Variants in TET3 observed in about 807,000 individuals in gnomAD.
The protein encoded by TET3 is tet methylcytosine dioxygenase 3.
A neutral mutation model predicts 141.4 loss-of-function variants in TET3; 19 were observed. The ratio of observed to expected loss-of-function variants is 0.13; its 90% CI spans 0.09 to 0.20. TET3 has a LOEUF of 0.20. TET3 is among the 10% of genes least tolerant of loss of function. The pLI is 1.00. For missense variants in TET3, 1,874 were observed against 2,356.9 expected, an observed-to-expected ratio of 0.80 and a Z score of 4.24; for synonymous variants, 1,043 against 980.9, an observed-to-expected ratio of 1.06 and a Z score of -1.18.
intron 4 of TET3, among the ~76,000 whole-genome samples, chr2:74,068,885 C>G (rs774328984): frequency 2.7e-4 from 41 of 152,096 alleles, no homozygotes; most frequent in Non-Finnish European, 5.4e-4. Flanking sequence ...CCTTGTTCAG[C>G]TATAGTAGCT....
At chr2:73,997,650 T>C (rs948656459) in intron 2 of TET3, among the ~76,000 whole-genome samples, 1 of 152,190 alleles carries the variant, frequency 6.6e-6, no homozygotes, top group Non-Finnish European at 1.5e-5. Context: ...CTGGTGCTGC[T>C]TCAGTTTCCC....
At chr2:74,120,445 A>AC in the TET3 span, among the ~76,000 whole-genome samples, 2 of 152,046 alleles carry the variant, frequency 1.3e-5, no homozygotes, top group Non-Finnish European at 2.9e-5. Flanking sequence ...CCACACACCT[A>AC]CCCGGGGGGA....
rs768937209 is a variant in TET3, at chr2:74,100,763, C to T, written c.3975C>T (p.His1325=). The stretch of plus-strand genomic sequence containing the variant: ...AGAAGCCAGACCTCCACGCTCTGCA[C>T]AACAGCCTGAGCCCGGCCTACGGTG... ...FEKKPDLHAL[H]NSLSPAYGGA... The change falls in exon 12 of 12, where the codon CAC becomes CAT. Residue 1325 remains histidine (H), a synonymous_variant. Coordinates refer to ENST00000409262, the MANE Select transcript of TET3 (RefSeq NM_001287491.2). 1.9e-5 allele frequency: 31 copies of T among 1,613,412 alleles called. No homozygotes were observed. The highest frequency in any genetic ancestry group is 3.3e-5 in the Admixed American group (2 of 59,928).
intron 3 of TET3, among the ~76,000 whole-genome samples, chr2:74,035,918 T>G (rs376407744): frequency 4.7e-5 from 7 of 150,514 alleles, no homozygotes; most frequent in African/African-American, 1.5e-4. Flanking sequence ...CTTGGGAGAC[T>G]GAGGTACAAG....
At chr2:73,994,883 C>T (rs760061623) in intron 2 of TET3, among the ~76,000 whole-genome samples, 5 of 151,308 alleles carry the variant, frequency 3.3e-5, no homozygotes, top group African/African-American at 4.9e-5. Context: ...GTGATCCACT[C>T]GCCTTAGCCT....
the TET3 span, among the ~76,000 whole-genome samples, chr2:74,124,687 G>A: frequency 2.0e-5 from 3 of 152,002 alleles, no homozygotes; most frequent in Non-Finnish European, 4.4e-5. Context: ...GATTAAGGGC[G>A]GTGCAAGATG....
chr2:73,988,989 A>AATT (rs1558689017), intron 2 of TET3, among the ~76,000 whole-genome samples: 4 of 128,880 alleles, frequency 3.1e-5, no homozygotes, highest in African/African-American at 1.4e-4. Flanking sequence ...AAAAAAAAAA[A>AATT]GTTTTTTTTG....
chr2:74,042,252 C>CT (rs1687378968), intron 3 of TET3, among the ~76,000 whole-genome samples: 1 of 152,162 alleles, frequency 6.6e-6, no homozygotes, highest in Non-Finnish European at 1.5e-5. Flanking sequence ...AGTCAAAGGC[C>CT]TACAGGGGGT....
At chr2:74,045,679 G>A (rs963230487) in intron 3 of TET3, among the ~76,000 whole-genome samples, 1 of 152,194 alleles carries the variant, frequency 6.6e-6, no homozygotes, top group African/African-American at 2.4e-5. Context: ...CTGTGTGTGG[G>A]AATGTGGTCT....
intron 3 of TET3, among the ~76,000 whole-genome samples, chr2:74,031,080 G>A (rs992222246): frequency 4.6e-5 from 7 of 152,118 alleles, no homozygotes; most frequent in Non-Finnish European, 8.8e-5. Context: ...TCTGGTAGCT[G>A]GAAAGCAGTC....
chr2:73,997,032 C>T (rs181315010), intron 2 of TET3, among the ~76,000 whole-genome samples: 27 of 152,328 alleles, frequency 1.8e-4, no homozygotes, highest in Admixed American at 1.7e-3. Flanking sequence ...CTACCTCTAC[C>T]ACACCTAACG....
chr2:74,002,709 G>A, intron 2 of TET3: 3 of 435,042 alleles, frequency 6.9e-6, no homozygotes, highest in Non-Finnish European at 8.0e-6. Flanking sequence ...GCAGCTGGCC[G>A]CCGCCTCCTC....
At chr2:74,119,191 A>T in the TET3 span, among the ~76,000 whole-genome samples, 1 of 152,082 alleles carries the variant, frequency 6.6e-6, no homozygotes, top group African/African-American at 2.4e-5. Context: ...TGGCTCTACT[A>T]AAAATCCAAA....
In TET3 at chr2:74,107,423, T is replaced by C. The variant is rs1207804545; in HGVS notation, c.*5247T>C. Reference sequence around the variant, plus strand: ...GTTTGCTCCCTCTTCGCGTTTTGACTACCCGTCATTCAGGGGTAACTCATC... The same window carrying C: ...GTTTGCTCCCTCTTCGCGTTTTGACCACCCGTCATTCAGGGGTAACTCATC... On this transcript the variant is annotated 3_prime_UTR_variant, in exon 12 of 12. Coordinates refer to ENST00000409262, the MANE Select transcript of TET3 (RefSeq NM_001287491.2). 6.6e-6 allele frequency: 1 copy of C among 152,254 alleles called. No individual in the cohort carries two copies. The highest frequency in any genetic ancestry group is 1.5e-5 in the Non-Finnish European group (1 of 68,048). The allele number at this position is 152,254 out of a possible 1,614,324, so 9.4% of individuals were successfully genotyped here.
intron 4 of TET3, among the ~76,000 whole-genome samples, chr2:74,055,914 G>T (rs986764477): frequency 2.6e-5 from 4 of 152,146 alleles, no homozygotes; most frequent in Non-Finnish European, 5.9e-5. Context: ...CGATCAACAC[G>T]AAGGGCCTCA....
At chr2:74,125,694 A>AT in the TET3 span, among the ~76,000 whole-genome samples, 130 of 150,276 alleles carry the variant, frequency 8.7e-4, no homozygotes, top group East Asian at 4.9e-3. Context: ...AGTATGCTAA[A>AT]ATTTTTTTTT....
At chr2:74,042,022 CATT>C (rs1310599041) in intron 3 of TET3, among the ~76,000 whole-genome samples, 1 of 152,216 alleles carries the variant, frequency 6.6e-6, no homozygotes, top group Non-Finnish European at 1.5e-5. Context: ...CCTTCTCTAT[CATT>C]ATTGATAAAT....
intron 2 of TET3, among the ~76,000 whole-genome samples, chr2:73,999,348 A>G (rs1336631303): frequency 6.6e-6 from 1 of 152,190 alleles, no homozygotes; most frequent in Non-Finnish European, 1.5e-5. Context: ...AATGGGCACA[A>G]ATATTTCCTG....
At chr2:74,045,650 G>C (rs544233398) in intron 3 of TET3, among the ~76,000 whole-genome samples, 1 of 152,198 alleles carries the variant, frequency 6.6e-6, no homozygotes, top group Non-Finnish European at 1.5e-5. Flanking sequence ...GATCATCGGC[G>C]TTTCCCTCAG....
Sources: allele counts gnomAD v4.1 joint callset (sites outside exome capture counted in the v4.1 genomes callset), GRCh38; gene constraint gnomAD v4.1.1; transcripts MANE v1.5; gene names NCBI Gene and HGNC (gene_info 2026-07-23, HGNC 2026-07-21).